The following STK10 variants were observed in gnomAD, a reference collection of about 807,000 sequenced individuals.
The protein encoded by STK10 is serine/threonine kinase 10.
In STK10, 78 loss-of-function variants were observed where a neutral mutation model predicts 113.8. The ratio of observed to expected loss-of-function variants is 0.69; its 90% CI spans 0.57 to 0.83. STK10 has a LOEUF of 0.83. STK10 is among the 40% of genes least tolerant of loss of function. The pLI is 0.00. For synonymous variants in STK10, 465 were observed against 494.7 expected (o/e 0.94, Z 0.80); for missense variants, 1,109 against 1,280.1 (o/e 0.87, Z 2.04).
chr5:172,064,493 T>C (rs915211233), intron 13 of STK10: 3 of 592,484 alleles, frequency 5.1e-6, no homozygotes, highest in African/African-American at 3.7e-5. Context: ...ATGTAAAGTG[T>C]TGGGGTATCC....
intron 18 of STK10, among the ~76,000 whole-genome samples, chr5:172,052,358 T>A (rs1025145036): frequency 2.6e-5 from 4 of 152,130 alleles, no homozygotes; most frequent in Non-Finnish European, 4.4e-5. Context: ...TGGAAGTGAT[T>A]CTTCCCCAGA....
chr5:172,100,607 C>A (rs1425813343), intron 7 of STK10, among the ~76,000 whole-genome samples: 1 of 151,838 alleles, frequency 6.6e-6, no homozygotes, highest in Non-Finnish European at 1.5e-5. Context: ...GCCAACATGG[C>A]GAAATCCCAT....
In STK10 at chr5:172,046,373, AT is replaced by A. The variant is rs1554114678; in HGVS notation, c.2767-1352del. ...CTCTGTCTCAAAAAAAAAAAAAAAAATTTTTTTTACATCACTATGTTGGCCA... is the reference window on the plus strand; with the variant it reads ...CTCTGTCTCAAAAAAAAAAAAAAAAATTTTTTTACATCACTATGTTGGCCA... On this transcript the variant is annotated intron_variant, in intron 18 of 18. Coordinates refer to ENST00000176763, the MANE Select transcript of STK10 (RefSeq NM_005990.4). Among the ~76,000 whole-genome samples the A allele has an allele frequency of 8.0e-5, 12 of 150,306 alleles. No homozygotes were observed. The South Asian group carries it at 8.4e-4, about 11-fold the overall frequency.
At position 172,050,815 on chromosome 5, in the gene STK10, C is replaced by T. The variant is rs374153116; in HGVS notation, c.2766+2114G>A. 4.0e-3 allele frequency among the ~76,000 whole-genome samples: 608 copies of T among 152,008 alleles called. 4 individuals carry two copies. The highest frequency in any genetic ancestry group is 0.014 in the African/African-American group (593 of 41,466). On this transcript the variant is annotated intron_variant, in intron 18 of 18. Coordinates refer to ENST00000176763, the MANE Select transcript of STK10 (RefSeq NM_005990.4). ...GCAGCCTTGACTTCCTGGCCTCAAG[C>T]GATCCTCCCATCTCAGGCTCCAGAG...
intron 16 of STK10, 85 bp from the exon 17 acceptor site, chr5:172,054,779 G>T: frequency 6.4e-7 from 1 of 1,574,526 alleles, no homozygotes; most frequent in South Asian, 1.1e-5. Flanking sequence ...GGCCCAGGGA[G>T]ACCCCTCAGG....
At chr5:172,174,516 C>A (rs1486810944) in intron 1 of STK10, among the ~76,000 whole-genome samples, 1 of 152,108 alleles carries the variant, frequency 6.6e-6, no homozygotes, top group Non-Finnish European at 1.5e-5. Context: ...CTCCGCGGGC[C>A]CTGTTCCAAA....
chr5:172,182,217 T>G (rs1421190600), intron 1 of STK10, among the ~76,000 whole-genome samples: 1 of 147,888 alleles, frequency 6.8e-6, no homozygotes, highest in Non-Finnish European at 1.5e-5. Context: ...GCAAGAGAAT[T>G]GCTTGAACCT....
intron 2 of STK10, among the ~76,000 whole-genome samples, chr5:172,151,005 C>T (rs1770216959): frequency 6.6e-6 from 1 of 152,218 alleles, no homozygotes; most frequent in African/African-American, 2.4e-5. Context: ...CTTTCATCTC[C>T]CCAGTGCATA....
chr5:172,091,824 G>A (rs556328617), intron 9 of STK10, among the ~76,000 whole-genome samples: 25 of 152,284 alleles, frequency 1.6e-4, no homozygotes, highest in African/African-American at 6.0e-4. Flanking sequence ...GAGCCACGGC[G>A]CCCGGCCCAA....
intron 2 of STK10, among the ~76,000 whole-genome samples, chr5:172,153,076 C>A (rs573833795): frequency 4.9e-4 from 75 of 152,212 alleles, no homozygotes; most frequent in Middle Eastern, 3.4e-3. Context: ...CACCTGAGGT[C>A]GGGAGTTCAA....
chr5:172,186,335 C>T (rs1174591773), intron 1 of STK10, among the ~76,000 whole-genome samples: 1 of 151,076 alleles, frequency 6.6e-6, no homozygotes, highest in African/African-American at 2.4e-5. Context: ...AAATTGCCAC[C>T]GCTCCAGGTC....
chr5:172,185,296 G>A (rs2113848486), intron 1 of STK10, among the ~76,000 whole-genome samples: 1 of 152,040 alleles, frequency 6.6e-6, no homozygotes, highest in Non-Finnish European at 1.5e-5. Flanking sequence ...TTGAGACAGA[G>A]TCTCGCTCTG....
chr5:172,175,182 T>C (rs559131664), intron 1 of STK10, among the ~76,000 whole-genome samples: 10 of 152,136 alleles, frequency 6.6e-5, no homozygotes, highest in Non-Finnish European at 4.4e-5. Context: ...GCCTGGCTAA[T>C]TTTTTAAATT....
chr5:172,057,011 A>AG (rs1561790307), intron 15 of STK10: 2 of 137,496 alleles, frequency 1.5e-5, no homozygotes, highest in Non-Finnish European at 3.1e-5. Flanking sequence ...GAAGGAAAGA[A>AG]AGAAAGAAAG....
rs532439372 is a variant in STK10 at position 172,120,132 on chromosome 5, G to A, written c.371-2502C>T. ...ACAGGACTGTCCTGATTGAGTCAAC[G>A]TAGCTACCCAAGACCCCTGTGACCA... On this transcript the variant is annotated intron_variant, in intron 3 of 18. Coordinates refer to ENST00000176763, the MANE Select transcript of STK10 (RefSeq NM_005990.4). The surrounding 1 kb of genome is among the most constrained non-coding windows in gnomAD (Gnocchi z 4.0). Among the ~76,000 whole-genome samples the A allele has an allele frequency of 3.3e-5, 5 of 152,132 alleles. No individual in the cohort carries two copies. The highest frequency in any genetic ancestry group is 5.9e-5 in the Non-Finnish European group (4 of 68,018).
intron 17 of STK10, among the ~76,000 whole-genome samples, chr5:172,053,977 C>T (rs1415088917): frequency 6.6e-6 from 1 of 152,214 alleles, no homozygotes. Context: ...TCAGCAGAGC[C>T]GTGCCGGGCA....
At chr5:172,075,820 C>T (rs1413413832) in intron 12 of STK10, among the ~76,000 whole-genome samples, 1 of 152,194 alleles carries the variant, frequency 6.6e-6, no homozygotes, top group African/African-American at 2.4e-5. Context: ...ATCAGAATGG[C>T]TAAAAAACCT....
At chr5:172,129,334 G>A (rs540800103) in intron 2 of STK10, among the ~76,000 whole-genome samples, 8 of 152,276 alleles carry the variant, frequency 5.3e-5, no homozygotes, top group South Asian at 2.1e-4. Context: ...TGTGGAAGGC[G>A]GCACGGCCCA....
chr5:172,100,700 T>A (rs748678488), intron 7 of STK10, among the ~76,000 whole-genome samples: 17 of 151,990 alleles, frequency 1.1e-4, no homozygotes, highest in Non-Finnish European at 2.1e-4. Flanking sequence ...AGCAAGAGAA[T>A]CGCTTGAACC....
Sources: gnomAD v4.1 joint callset for allele counts (sites outside exome capture counted in the v4.1 genomes callset) on GRCh38, gnomAD v4.1.1 for gene constraint, Gnocchi (gnomAD v3.1) non-coding constraint, MANE v1.5 for transcripts, NCBI Gene and HGNC (gene_info 2026-07-23, HGNC 2026-07-21) for gene names.